TPTE2: variants seen among roughly 807,000 people sequenced by gnomAD.
TPTE2 encodes transmembrane phosphoinositide 3-phosphatase and tensin homolog 2, also known as phosphatidylinositol 3,4,5-trisphosphate 3-phosphatase TPTE2.
Under a neutral mutation model 78.6 loss-of-function variants are expected in TPTE2, and 53 were observed. That is an observed-to-expected ratio of 0.67 (90% CI 0.54 to 0.85). TPTE2 has a LOEUF of 0.85. TPTE2 is among the 40% of genes least tolerant of loss of function. TPTE2 has a pLI of 0.00. For synonymous variants in TPTE2, 175 were observed against 206.2 expected (o/e 0.85, Z 1.30); for missense variants, 461 against 623.0 (o/e 0.74, Z 2.77).
intron 1 of TPTE2, among the ~76,000 whole-genome samples, chr13:19,531,921 T>C (rs574803091): frequency 8.0e-4 from 121 of 152,196 alleles, no homozygotes; most frequent in African/African-American, 2.6e-3. Context: ...AGCAAGACTC[T>C]ACCTCAAAAA....
chr13:19,484,663 C>T (rs1038709075), intron 3 of TPTE2, among the ~76,000 whole-genome samples: 1 of 152,098 alleles, frequency 6.6e-6, no homozygotes, highest in Non-Finnish European at 1.5e-5. Context: ...TGAGTGCATA[C>T]ATATTTACAA....
chr13:19,465,355 T>C, intron 8 of TPTE2, 37 bp from the exon 12 acceptor site: 1 of 1,613,304 alleles, frequency 6.2e-7, no homozygotes, highest in Non-Finnish European at 8.5e-7. Flanking sequence ...TGTGAAACAT[T>C]CATCAACATA....
chr13:19,450,723 G>T (rs564480761), intron 11 of TPTE2, among the ~76,000 whole-genome samples: 195 of 152,240 alleles, frequency 1.3e-3, no homozygotes, highest in Non-Finnish European at 2.2e-3. Context: ...GAGAGACAGG[G>T]TATTAAACTG....
At chr13:19,495,460 C>T (rs1175384940) in intron 1 of TPTE2, among the ~76,000 whole-genome samples, 1 of 152,210 alleles carries the variant, frequency 6.6e-6, no homozygotes, top group East Asian at 1.9e-4. Flanking sequence ...CAAACACTAA[C>T]ATAAAAAGCC....
upstream of TPTE2, among the ~76,000 whole-genome samples, chr13:19,539,422 C>T (rs35574135): frequency 7.9e-5 from 12 of 152,302 alleles, no homozygotes; most frequent in East Asian, 1.9e-4. Context: ...CCCCTGCACA[C>T]GCTCTCTTGC....
At chr13:19,541,814 T>C in the TPTE2 span, among the ~76,000 whole-genome samples, 5 of 152,210 alleles carry the variant, frequency 3.3e-5, no homozygotes, top group Admixed American at 2.6e-4. Context: ...TATCTTGCTT[T>C]GGATTTTTCA....
chr13:19,451,859 T>C (rs1424214213), intron 10 of TPTE2, among the ~76,000 whole-genome samples: 1 of 148,134 alleles, frequency 6.8e-6, no homozygotes, highest in African/African-American at 2.5e-5. Flanking sequence ...ATGTATAACC[T>C]TTAAAATGAA....
chr13:19,519,025 T>C (rs1566074863), intron 1 of TPTE2, among the ~76,000 whole-genome samples: 1 of 152,120 alleles, frequency 6.6e-6, no homozygotes, highest in Non-Finnish European at 1.5e-5. Context: ...TGGGGGCCCC[T>C]TATACTTTCA....
chr13:19,461,578 T>A (rs1348272398), intron 10 of TPTE2, among the ~76,000 whole-genome samples: 1 of 152,216 alleles, frequency 6.6e-6, no homozygotes. Context: ...AGATGATCTG[T>A]CCGGTGGTAA....
intron 6 of TPTE2, among the ~76,000 whole-genome samples, chr13:19,467,861 T>C (rs1253256128): frequency 1.7e-5 from 2 of 120,054 alleles, no homozygotes; most frequent in Non-Finnish European, 3.3e-5. Flanking sequence ...CTGATGATCA[T>C]CTTTCTACTC....
chr13:19,424,805 A>G, intron 19 of TPTE2, 142 bp downstream of exon 22: 1 of 604,560 alleles, frequency 1.7e-6, no homozygotes, highest in East Asian at 3.2e-5. Context: ...TAAGAGGAGT[A>G]AGGCAAGGAA....
rs140822253 is a variant in TPTE2, at chr13:19,529,464, A to G, written c.-44+7132T>C. Among the ~76,000 whole-genome samples the G allele has an allele frequency of 1.6e-4, 24 of 152,274 alleles. No homozygotes were observed. The East Asian group carries it at 4.6e-3, about 29-fold the overall frequency. ...TTCAATATCTCAGAAAGCTAATTAG[A>G]TCTTAATCTTATTTAAATCTCTTGA... On this transcript the variant is annotated intron_variant, in intron 1 of 17. Coordinates refer to the TPTE2 transcript ENST00000390680.
intron 3 of TPTE2, among the ~76,000 whole-genome samples, chr13:19,491,563 T>C (rs985744155): frequency 6.6e-6 from 1 of 152,104 alleles, no homozygotes; most frequent in African/African-American, 2.4e-5. Flanking sequence ...CAGTGGCTCA[T>C]GACTGTAAAC....
At chr13:19,458,663 T>G in intron 10 of TPTE2, 1 of 497,958 alleles carries the variant, frequency 2.0e-6, no homozygotes, top group Non-Finnish European at 4.0e-6. Flanking sequence ...TTCCACGGTG[T>G]GGCACTGGGC....
chr13:19,552,653 T>A, the TPTE2 span: 1 of 683,154 alleles, frequency 1.5e-6, no homozygotes, highest in Non-Finnish European at 2.5e-6. Flanking sequence ...TCTGAAGGGG[T>A]TGTTCATTGA....
At chr13:19,453,002 TTTATTTTATG>T (rs60752394) in intron 10 of TPTE2, among the ~76,000 whole-genome samples, 15,137 of 84,972 alleles carry the variant, frequency 0.18, 1,098 homozygotes, top group African/African-American at 0.36. Flanking sequence ...TTTATTTTAT[TTTATTTTATG>T]TTATTTTATG....
At chr13:19,493,275 C>A (rs1332853539) in intron 2 of TPTE2, among the ~76,000 whole-genome samples, 173 bp downstream of exon 5, 1 of 151,358 alleles carries the variant, frequency 6.6e-6, no homozygotes, top group South Asian at 2.1e-4. Flanking sequence ...ATGTTTCCAT[C>A]ATGTGCATGG....
chr13:19,496,108 C>T (rs1319482117), intron 1 of TPTE2, among the ~76,000 whole-genome samples: 1 of 152,186 alleles, frequency 6.6e-6, no homozygotes, highest in Non-Finnish European at 1.5e-5. Flanking sequence ...TCTCGTTATC[C>T]ACCCACCCTG....
chr13:19,424,514 C>T (rs376730165), intron 19 of TPTE2, among the ~76,000 whole-genome samples: 7 of 152,084 alleles, frequency 4.6e-5, no homozygotes, highest in African/African-American at 1.4e-4. Context: ...TAAGTGTGTC[C>T]GTCAGCTTTT....
Sources: allele counts gnomAD v4.1 joint callset (sites outside exome capture counted in the v4.1 genomes callset), GRCh38; gene constraint gnomAD v4.1.1; transcripts MANE v1.5; gene names NCBI Gene and HGNC (gene_info 2026-07-23, HGNC 2026-07-21).